RIMS1: variants seen among roughly 807,000 people sequenced by gnomAD.
The protein encoded by RIMS1 is regulating synaptic membrane exocytosis 1.
In RIMS1, 83 loss-of-function variants were observed where a neutral mutation model predicts 214.1. That is an observed-to-expected ratio of 0.39 (90% CI 0.32 to 0.47). The LOEUF is 0.47. Among genes scored for constraint, RIMS1 ranks in the 20% least tolerant of loss-of-function variants. The probability of loss-of-function intolerance (pLI) is 0.99; values close to 1 mark genes in which losing one functional copy is unlikely to be tolerated. For synonymous variants in RIMS1, 793 were observed against 786.8 expected, an observed-to-expected ratio of 1.01 and a Z score of -0.13; for missense variants, 2,050 against 2,161.8, an observed-to-expected ratio of 0.95 and a Z score of 1.03.
Position 72,316,308 on chromosome 6 carries a change from G to A in RIMS1, c.4130+2636G>A, listed in dbSNP as rs529967254. ...GTGATACCTGGTGACAGATGGATGG[G>A]TGGTGGACAGAGAAGAGGAGACAAG... On this transcript the variant is annotated intron_variant, in intron 28 of 33. Coordinates refer to ENST00000521978, the MANE Select transcript of RIMS1 (RefSeq NM_014989.7). Among the ~76,000 whole-genome samples the A allele has an allele frequency of 3.7e-4, 57 of 152,254 alleles. 1 individual carries two copies. Among genetic ancestry groups the A allele is most frequent in the African/African-American group, 1.3e-3 (55 of 41,554 alleles).
At chr6:71,926,414 C>A (rs1781580622) in intron 1 of RIMS1, among the ~76,000 whole-genome samples, 2 of 152,172 alleles carry the variant, frequency 1.3e-5, no homozygotes, top group African/African-American at 4.8e-5. Context: ...TCTTCCATCT[C>A]AGGTCACATT....
At chr6:72,220,337 G>A (rs1435815438) in intron 6 of RIMS1, among the ~76,000 whole-genome samples, 1 of 151,902 alleles carries the variant, frequency 6.6e-6, no homozygotes, top group African/African-American at 2.4e-5. Flanking sequence ...GGACTCTTGA[G>A]GGAAAAAATA....
chr6:72,343,492 C>CTTTTT (rs764125827), intron 29 of RIMS1, among the ~76,000 whole-genome samples: 352 of 57,262 alleles, frequency 6.1e-3, no homozygotes, highest in Non-Finnish European at 6.9e-3. Context: ...TCTTCTTCTT[C>CTTTTT]TTTTTTTTTT....
At chr6:72,386,582 G>A (rs1270052156) in intron 29 of RIMS1, among the ~76,000 whole-genome samples, 2 of 152,044 alleles carry the variant, frequency 1.3e-5, no homozygotes, top group Non-Finnish European at 2.9e-5. Flanking sequence ...CTCATAGCTT[G>A]TGTCGTCACT....
Position 72,313,668 on chromosome 6 carries a change from A to G in RIMS1, c.4126A>G (p.Ile1376Val). The G allele has an allele frequency of 6.2e-7, 1 of 1,611,686 alleles. No homozygotes were observed. Among genetic ancestry groups the G allele is most frequent in the Non-Finnish European group, 8.5e-7 (1 of 1,178,664 alleles). ...GCAATCTGAGCGCCCCAGGGGTAGAATCAGGTGAGTTGGCAATACTGTTTA... is the reference window on the plus strand; with the variant it reads ...GCAATCTGAGCGCCCCAGGGGTAGAGTCAGGTGAGTTGGCAATACTGTTTA... ...SEQSERPRGR[I>V]SSFTPKMQGR... Residue 1376 changes from isoleucine to valine, a missense_variant, in exon 28 of 34, where the codon ATC (isoleucine) becomes GTC (valine). Coordinates refer to ENST00000521978, the MANE Select transcript of RIMS1 (RefSeq NM_014989.7).
chr6:71,950,985 A>C (rs566063702), intron 1 of RIMS1, among the ~76,000 whole-genome samples: 1 of 152,326 alleles, frequency 6.6e-6, no homozygotes, highest in East Asian at 1.9e-4. Flanking sequence ...TTAGATGAGA[A>C]GACATATACT....
In RIMS1 at chr6:72,296,815, T is replaced by A. The variant is rs376863830; in HGVS notation, c.3850+4769T>A. Among the ~76,000 whole-genome samples the A allele has an allele frequency of 1.2e-3, 175 of 152,086 alleles. 7 individuals carry two copies. The South Asian group carries it at 0.035, about 31-fold the overall frequency. On this transcript the variant is annotated intron_variant, in intron 26 of 33. Transcript: ENST00000521978. Reference sequence around the variant, plus strand: ...AAAGCTAGTTCTGAAAGTAACATCATTCCTATTTTAGGAATAAGGACACAA... The same window carrying A: ...AAAGCTAGTTCTGAAAGTAACATCAATCCTATTTTAGGAATAAGGACACAA...
intron 4 of RIMS1, among the ~76,000 whole-genome samples, chr6:72,175,882 G>A (rs1356881808): frequency 1.3e-5 from 2 of 152,094 alleles, no homozygotes; most frequent in African/African-American, 2.4e-5. Context: ...ATAGTAGAAA[G>A]TGTTGCAATT....
chr6:72,204,779 A>G (rs903321590), intron 6 of RIMS1, among the ~76,000 whole-genome samples: 6 of 152,170 alleles, frequency 3.9e-5, no homozygotes, highest in African/African-American at 1.4e-4. Context: ...ACATTGTTGA[A>G]TGTTTCTTTT....
chr6:71,994,504 T>C (rs1390742764), intron 2 of RIMS1, among the ~76,000 whole-genome samples: 1 of 152,160 alleles, frequency 6.6e-6, no homozygotes, highest in Non-Finnish European at 1.5e-5. Context: ...GAGCACTCTT[T>C]AGACAAGTCA....
At chr6:71,993,090 T>G (rs1802380041) in intron 2 of RIMS1, among the ~76,000 whole-genome samples, 1 of 152,240 alleles carries the variant, frequency 6.6e-6, no homozygotes, top group Non-Finnish European at 1.5e-5. Flanking sequence ...AAGGAAAAAT[T>G]GGATTTAATA....
chr6:72,206,887 C>T (rs935276487), intron 6 of RIMS1, among the ~76,000 whole-genome samples: 8 of 152,330 alleles, frequency 5.3e-5, no homozygotes, highest in African/African-American at 1.4e-4. Context: ...CAGCCACTTT[C>T]ACCACTTTGC....
At position 72,208,901 on chromosome 6, in the gene RIMS1, T is replaced by G. The variant is rs537723640; in HGVS notation, c.1679-24872T>G. On this transcript the variant is annotated intron_variant, in intron 6 of 33. Coordinates refer to ENST00000521978, the MANE Select transcript of RIMS1 (RefSeq NM_014989.7). ...ACATGTTTGCTATTCTGATCCCCTTTATTCCATATCCAGTAATTGCCTCAA... is the reference window on the plus strand; with the variant it reads ...ACATGTTTGCTATTCTGATCCCCTTGATTCCATATCCAGTAATTGCCTCAA... 4.4e-3 allele frequency among the ~76,000 whole-genome samples: 674 copies of G among 152,300 alleles called. 11 individuals carry two copies. The highest frequency in any genetic ancestry group is 0.015 in the African/African-American group (632 of 41,558).
intron 1 of RIMS1, among the ~76,000 whole-genome samples, chr6:71,890,242 A>G (rs139686195): frequency 6.6e-6 from 1 of 152,300 alleles, no homozygotes; most frequent in East Asian, 1.9e-4. Context: ...AAAGTACTTT[A>G]TCATAAAAAG....
At chr6:72,088,099 A>C (rs1223266121) in intron 2 of RIMS1, among the ~76,000 whole-genome samples, 1 of 152,082 alleles carries the variant, frequency 6.6e-6, no homozygotes, top group Non-Finnish European at 1.5e-5. Context: ...TGAGTCATCC[A>C]CTTGTAAACT....
At chr6:72,364,225 C>G (rs1260934292) in intron 29 of RIMS1, among the ~76,000 whole-genome samples, 1 of 152,196 alleles carries the variant, frequency 6.6e-6, no homozygotes, top group Non-Finnish European at 1.5e-5. Flanking sequence ...CTTTATCCAG[C>G]TTTTTACACT....
chr6:72,381,738 T>A (rs2098493171), intron 29 of RIMS1, among the ~76,000 whole-genome samples: 2 of 152,196 alleles, frequency 1.3e-5, no homozygotes, highest in Admixed American at 1.3e-4. Context: ...TTTAAGTAGA[T>A]CTGACAGGCA....
chr6:72,050,261 G>A (rs920672590), intron 2 of RIMS1, among the ~76,000 whole-genome samples: 3 of 152,124 alleles, frequency 2.0e-5, no homozygotes, highest in African/African-American at 7.2e-5. Flanking sequence ...AACTCACAAG[G>A]ACTAGACATC....
chr6:72,040,284 C>A (rs1821077349), intron 2 of RIMS1, among the ~76,000 whole-genome samples: 1 of 151,976 alleles, frequency 6.6e-6, no homozygotes, highest in African/African-American at 2.4e-5. Flanking sequence ...AACCTGGTGT[C>A]CAGTTACAGT....
Sources: gnomAD v4.1 joint callset for allele counts (sites outside exome capture counted in the v4.1 genomes callset) on GRCh38, gnomAD v4.1.1 for gene constraint, MANE v1.5 for transcripts, NCBI Gene and HGNC (gene_info 2026-07-23, HGNC 2026-07-21) for gene names.